The following PAPPA variants were observed in gnomAD, a reference collection of about 807,000 sequenced individuals.
The protein encoded by PAPPA is pappalysin 1.
In PAPPA, 60 loss-of-function variants were observed where a neutral mutation model predicts 164.0. That is an observed-to-expected ratio of 0.37 (90% CI 0.30 to 0.45). The LOEUF (loss-of-function observed/expected upper bound fraction) is 0.45, where lower values mean the gene tolerates loss of function less well. Ranked by LOEUF, PAPPA falls within the 20% of genes least tolerant of loss-of-function variation. The pLI is 1.00. For missense variants in PAPPA, 1,782 were observed against 2,087.3 expected, an observed-to-expected ratio of 0.85 and a Z score of 2.85; for synonymous variants, 875 against 814.1, an observed-to-expected ratio of 1.07 and a Z score of -1.27.
At chr9:116,377,337 A>T (rs1026413841) in intron 19 of PAPPA, among the ~76,000 whole-genome samples, 4 of 151,926 alleles carry the variant, frequency 2.6e-5, no homozygotes, top group Admixed American at 2.6e-4. Context: ...CTTCTCCTCA[A>T]CCCTTGTTCC....
chr9:116,382,237 T>A (rs1195715024), intron 20 of PAPPA, among the ~76,000 whole-genome samples, 158 bp from the exon 21 acceptor site: 1 of 152,080 alleles, frequency 6.6e-6, no homozygotes, highest in African/African-American at 2.4e-5. Context: ...GTAGAGGTGA[T>A]AACTCATTCA....
At chr9:116,265,485 G>A (rs11791668) in intron 7 of PAPPA, among the ~76,000 whole-genome samples, 30,761 of 152,040 alleles carry the variant, frequency 0.2, 3,820 homozygotes, top group East Asian at 0.39. Flanking sequence ...TCCCACCTCT[G>A]TGCTTTTGTT....
chr9:116,375,506 A>C (rs1016813864), intron 19 of PAPPA, among the ~76,000 whole-genome samples: 1 of 152,238 alleles, frequency 6.6e-6, no homozygotes, highest in Non-Finnish European at 1.5e-5. Flanking sequence ...ACAAGTAAAG[A>C]AATTATTGTC....
At chr9:116,235,113 C>T (rs1176518790) in intron 6 of PAPPA, 26 bp from the exon 7 acceptor site, 1 of 1,613,486 alleles carries the variant, frequency 6.2e-7, no homozygotes, top group Non-Finnish European at 8.5e-7. Flanking sequence ...TCCCCAAGAA[C>T]TCATTCCCTC....
intron 9 of PAPPA, among the ~76,000 whole-genome samples, chr9:116,283,403 C>G (rs1051099661): frequency 2.0e-5 from 3 of 152,116 alleles, no homozygotes; most frequent in Non-Finnish European, 2.9e-5. Flanking sequence ...AAGATCCAGA[C>G]AGAGGGTTTT....
In PAPPA at chr9:116,271,459, C is replaced by A; in HGVS notation, c.2953+43C>A. 4 of 1,354,058 alleles carry A rather than the reference C, an allele frequency of 3.0e-6. No homozygotes were observed. The highest frequency in any genetic ancestry group is 4.2e-6 in the Non-Finnish European group (4 of 942,608). 83.9% of individuals were successfully genotyped at this position (1,354,058 alleles called of 1,614,324 possible). A position where few individuals can be genotyped will look rare whatever the true frequency, so the allele number is the denominator to read the frequency against. ...CTTGTGGCCTTCATGAAGAAATGAA[C>A]GGTGCAGAATGGTTGGTCAATGATA... On this transcript the variant is annotated intron_variant, in intron 9 of 21. Coordinates refer to ENST00000328252, the MANE Select transcript of PAPPA (RefSeq NM_002581.5). This position sits in a 1 kb window ranked among gnomAD's most constrained non-coding sequence, Gnocchi z 4.2.
At chr9:116,155,145 C>T (rs914547142) in intron 1 of PAPPA, among the ~76,000 whole-genome samples, 1 of 152,194 alleles carries the variant, frequency 6.6e-6, no homozygotes, top group Non-Finnish European at 1.5e-5. Flanking sequence ...ACCCTCACCC[C>T]CTCCACGCCA....
intron 9 of PAPPA, among the ~76,000 whole-genome samples, chr9:116,280,746 C>A (rs1164378026): frequency 6.6e-6 from 1 of 152,242 alleles, no homozygotes; most frequent in Non-Finnish European, 1.5e-5. Context: ...CCATGGCCAA[C>A]CCAGCCTGCT....
intron 9 of PAPPA, among the ~76,000 whole-genome samples, chr9:116,273,966 C>T (rs1229775336): frequency 1.3e-5 from 2 of 152,042 alleles, no homozygotes; most frequent in African/African-American, 4.8e-5. Context: ...CTGAACTGCT[C>T]TTTCAAAAGA....
At chr9:116,293,262 C>T (rs539446997) in intron 9 of PAPPA, among the ~76,000 whole-genome samples, 4 of 152,062 alleles carry the variant, frequency 2.6e-5, no homozygotes, top group South Asian at 2.1e-4. Context: ...AGGAGGTTTG[C>T]GTTTTTATTA....
At chr9:116,173,129 T>A (rs1392099252) in intron 1 of PAPPA, among the ~76,000 whole-genome samples, 1 of 152,140 alleles carries the variant, frequency 6.6e-6, no homozygotes, top group Admixed American at 6.5e-5. Flanking sequence ...GAACTAATCA[T>A]CCTCTACCTA....
At chr9:116,327,490 G>A (rs532774057) in intron 10 of PAPPA, among the ~76,000 whole-genome samples, 4 of 152,170 alleles carry the variant, frequency 2.6e-5, no homozygotes, top group East Asian at 3.9e-4. Context: ...CCTAGAATGC[G>A]TGATATAACT....
chr9:116,294,134 T>G (rs954617506), intron 9 of PAPPA, among the ~76,000 whole-genome samples: 3 of 152,128 alleles, frequency 2.0e-5, no homozygotes, highest in African/African-American at 7.2e-5. Context: ...GTGCCTTCCT[T>G]GATGGGCCTG....
chr9:116,299,620 C>T (rs556336404), intron 9 of PAPPA, among the ~76,000 whole-genome samples: 29 of 152,194 alleles, frequency 1.9e-4, no homozygotes, highest in African/African-American at 7.0e-4. Context: ...ATTAGGCACC[C>T]CTATGATCTT....
chr9:116,388,984 T>C (rs1846853757), intron 21 of PAPPA, among the ~76,000 whole-genome samples: 1 of 152,168 alleles, frequency 6.6e-6, no homozygotes, highest in African/African-American at 2.4e-5. Flanking sequence ...CTATAAGATA[T>C]GGAAAAATAA....
chr9:116,254,521 A>G (rs192726368), intron 7 of PAPPA, among the ~76,000 whole-genome samples: 109 of 152,200 alleles, frequency 7.2e-4, no homozygotes, highest in Middle Eastern at 3.4e-3. Flanking sequence ...GGTGGCTCAC[A>G]CCTGTAATCC....
chr9:116,265,317 A>G (rs940798801), intron 7 of PAPPA, among the ~76,000 whole-genome samples: 3 of 152,056 alleles, frequency 2.0e-5, no homozygotes, highest in African/African-American at 7.3e-5. Flanking sequence ...TTTTGTCGAG[A>G]GTGAAAGAAA....
rs548713651 is a variant in PAPPA at position 116,220,859 on chromosome 9, T to G, written c.2111+730T>G. On this transcript the variant is annotated intron_variant, in intron 5 of 21. Transcript: ENST00000328252. ...GAGATGGCACCACCGCATCTCAGCC[T>G]GGGCAACAGAGCGAAACTCTGTCTC... Among the ~76,000 whole-genome samples the G allele has an allele frequency of 1.2e-3, 188 of 150,992 alleles. 1 individual carries two copies. The highest frequency in any genetic ancestry group is 4.5e-3 in the African/African-American group (184 of 41,144).
At chr9:116,365,090 G>T (rs778827310) in intron 18 of PAPPA, among the ~76,000 whole-genome samples, 1 of 152,110 alleles carries the variant, frequency 6.6e-6, no homozygotes, top group African/African-American at 2.4e-5. Flanking sequence ...CTCCAAATGC[G>T]CCTGACTTCC....
Sources: gnomAD v4.1 joint callset for allele counts (sites outside exome capture counted in the v4.1 genomes callset) on GRCh38, gnomAD v4.1.1 for gene constraint, Gnocchi (gnomAD v3.1) non-coding constraint, MANE v1.5 for transcripts, NCBI Gene and HGNC (gene_info 2026-07-23, HGNC 2026-07-21) for gene names.